LRP1B: variants seen among roughly 807,000 people sequenced by gnomAD.
The protein encoded by LRP1B is low-density lipoprotein receptor-related protein 1B.
In LRP1B, 217 loss-of-function variants were observed where a neutral mutation model predicts 556.6. That is an observed-to-expected ratio of 0.39 (90% CI 0.35 to 0.44). The LOEUF (loss-of-function observed/expected upper bound fraction) is 0.44, where lower values mean the gene tolerates loss of function less well. Among genes scored for constraint, LRP1B ranks in the 20% least tolerant of loss-of-function variants. LRP1B has a pLI of 1.00. For synonymous variants in LRP1B, 2,047 were observed against 1,865.8 expected (o/e 1.10, Z -2.50); for missense variants, 5,053 against 5,620.8 (o/e 0.90, Z 3.23).
chr2:141,930,638 G>A (rs1700473970), intron 1 of LRP1B, among the ~76,000 whole-genome samples: 1 of 152,018 alleles, frequency 6.6e-6, no homozygotes, highest in Admixed American at 6.6e-5. Flanking sequence ...GGTTAATTTG[G>A]TCAGTGATTA....
intron 1 of LRP1B, among the ~76,000 whole-genome samples, chr2:141,882,263 A>G (rs1433132922): frequency 6.6e-6 from 1 of 152,126 alleles, no homozygotes; most frequent in Middle Eastern, 3.2e-3. Context: ...GGTAGATGAT[A>G]TTGAATGTGA....
chr2:141,863,170 A>G (rs1698306294), intron 1 of LRP1B, among the ~76,000 whole-genome samples: 1 of 152,196 alleles, frequency 6.6e-6, no homozygotes, highest in Non-Finnish European at 1.5e-5. Context: ...TTAAACTTCT[A>G]TAGCACCAAA....
At chr2:141,778,490 C>T (rs2105632651) in intron 2 of LRP1B, among the ~76,000 whole-genome samples, 1 of 152,328 alleles carries the variant, frequency 6.6e-6, no homozygotes, top group Non-Finnish European at 1.5e-5. Flanking sequence ...AGGCAGACAG[C>T]TGTTGAATTG....
chr2:141,286,503 C>T (rs987894572), intron 3 of LRP1B, among the ~76,000 whole-genome samples: 1 of 152,034 alleles, frequency 6.6e-6, no homozygotes, highest in African/African-American at 2.4e-5. Context: ...TATTTTCTTC[C>T]TCCCTTTTTT....
intron 77 of LRP1B, among the ~76,000 whole-genome samples, chr2:140,345,715 TGTATATATATAC>T (rs1356998867): frequency 7.5e-4 from 110 of 145,866 alleles, no homozygotes; most frequent in African/African-American, 2.3e-3. Context: ...AACTCATATA[TGTATATATATAC>T]ACATATATAT....
At chr2:141,698,538 T>C (rs1170290029) in intron 2 of LRP1B, among the ~76,000 whole-genome samples, 1 of 151,392 alleles carries the variant, frequency 6.6e-6, no homozygotes, top group Non-Finnish European at 1.5e-5. Context: ...TTTTGACAGA[T>C]TGAAACAGTT....
chr2:140,304,554 A>C (rs772668873), intron 83 of LRP1B, among the ~76,000 whole-genome samples: 102 of 152,156 alleles, frequency 6.7e-4, no homozygotes, highest in South Asian at 1.7e-3. Flanking sequence ...TGTGGATTGT[A>C]GCACTTTGTC....
At chr2:142,108,165 G>A (rs1475077323) in intron 1 of LRP1B, among the ~76,000 whole-genome samples, 1 of 151,314 alleles carries the variant, frequency 6.6e-6, no homozygotes, top group East Asian at 1.9e-4. Context: ...TATAATATAT[G>A]AGATGACTCA....
intron 2 of LRP1B, among the ~76,000 whole-genome samples, chr2:141,488,723 C>T (rs72989081): frequency 0.059 from 9,000 of 151,860 alleles, 409 homozygotes; most frequent in African/African-American, 0.11. Flanking sequence ...CCTGTCAGTG[C>T]TGGGAATTAC....
intron 1 of LRP1B, among the ~76,000 whole-genome samples, chr2:142,056,735 A>C (rs1704686626): frequency 9.0e-6 from 1 of 111,170 alleles, no homozygotes; most frequent in Admixed American, 1.0e-4. Flanking sequence ...AAAATGCATG[A>C]GATTATTATA....
chr2:142,024,951 G>A (rs1574606983), intron 1 of LRP1B, among the ~76,000 whole-genome samples: 1 of 152,082 alleles, frequency 6.6e-6, no homozygotes, highest in East Asian at 1.9e-4. Context: ...GTCATAAAGG[G>A]GTTTGCGTTC....
At position 141,247,297 on chromosome 2, in the gene LRP1B, C is replaced by T. The variant is rs2105327486; in HGVS notation, c.521G>A (p.Gly174Glu). The T allele has an allele frequency of 1.9e-6, 3 of 1,613,784 alleles. No homozygotes were observed. Among genetic ancestry groups the T allele is most frequent in the Non-Finnish European group, 2.5e-6 (3 of 1,179,782 alleles). Residue 174 changes from glycine (G) to glutamate (E), a missense_variant, in exon 5 of 91, where the codon GGA becomes GAA. This residue lies in a region of LRP1B where 3,619 missense variants were observed against 3,931.9 expected (regional missense o/e 0.92). Transcript: ENST00000389484. ...TCSQTCRNTH[G>E]SYTCSCVEGY... Reference sequence around the variant, plus strand: ...TTCCACACAACTGCAAGTGTAGGATCCATGTGTGTTTCTGCAGGTCTGGCT... The same window carrying T: ...TTCCACACAACTGCAAGTGTAGGATTCATGTGTGTTTCTGCAGGTCTGGCT...
At chr2:140,933,930 A>T in intron 20 of LRP1B, among the ~76,000 whole-genome samples, 1 of 150,320 alleles carries the variant, frequency 6.7e-6, no homozygotes, top group South Asian at 2.1e-4. Context: ...ATTAAGGTTA[A>T]AGTGACCTTT....
At chr2:141,711,762 C>T (rs1472182240) in intron 2 of LRP1B, among the ~76,000 whole-genome samples, 1 of 152,138 alleles carries the variant, frequency 6.6e-6, no homozygotes. Flanking sequence ...TTGGATCTTC[C>T]TACCCTGATA....
chr2:141,055,524 C>T (rs917589970), intron 9 of LRP1B, among the ~76,000 whole-genome samples: 4 of 151,852 alleles, frequency 2.6e-5, no homozygotes, highest in Non-Finnish European at 5.9e-5. Context: ...AAACTCTTCA[C>T]CGGTGAGCAA....
At chr2:140,385,358 T>C (rs894663184) in intron 67 of LRP1B, among the ~76,000 whole-genome samples, 4 of 152,228 alleles carry the variant, frequency 2.6e-5, no homozygotes, top group Non-Finnish European at 5.9e-5. Flanking sequence ...TTATTATTTT[T>C]AAATTTATTA....
intron 66 of LRP1B, among the ~76,000 whole-genome samples, chr2:140,419,831 A>C (rs1421758941): frequency 6.6e-6 from 1 of 152,060 alleles, no homozygotes; most frequent in Admixed American, 6.5e-5. Flanking sequence ...AACATGGTGA[A>C]ACCCTGTCTT....
At chr2:141,352,455 C>T (rs542773091) in intron 3 of LRP1B, among the ~76,000 whole-genome samples, 46 of 151,780 alleles carry the variant, frequency 3.0e-4, no homozygotes, top group African/African-American at 1.1e-3. Flanking sequence ...TCATATGTCC[C>T]TAAGTCACTT....
At chr2:141,681,255 T>C (rs1471997598) in intron 2 of LRP1B, among the ~76,000 whole-genome samples, 1 of 152,060 alleles carries the variant, frequency 6.6e-6, no homozygotes, top group Non-Finnish European at 1.5e-5. Context: ...ATCGCACTAC[T>C]GCACTCCAGC....
Sources: allele counts gnomAD v4.1 joint callset (sites outside exome capture counted in the v4.1 genomes callset), GRCh38; gene constraint gnomAD v4.1.1; regional missense constraint gnomAD v4.1.1; transcripts MANE v1.5; gene names NCBI Gene and HGNC (gene_info 2026-07-23, HGNC 2026-07-21).